Variants in PPIH observed in about 807,000 individuals in gnomAD.
The protein encoded by PPIH is peptidyl-prolyl cis-trans isomerase H.
Under a neutral mutation model 27.6 loss-of-function variants are expected in PPIH, and 16 were observed. That is an observed-to-expected ratio of 0.58 (90% CI 0.39 to 0.88). PPIH has a LOEUF of 0.88. Among genes scored for constraint, PPIH ranks in the 40% least tolerant of loss-of-function variants. The pLI is 0.00. For missense variants in PPIH, 155 were observed against 224.1 expected (o/e 0.69, Z 1.97); for synonymous variants, 63 against 76.1 (o/e 0.83, Z 0.90).
At chr1:42,680,410 T>A (rs188402528), downstream of PPIH, among the ~76,000 whole-genome samples, 87 of 152,362 alleles carry the variant, frequency 5.7e-4, no homozygotes, top group African/African-American at 1.9e-3. Flanking sequence ...TGCAGTATCC[T>A]GCAGCCAGTA....
downstream of PPIH, among the ~76,000 whole-genome samples, chr1:42,679,904 C>T (rs1649978862): frequency 6.6e-6 from 1 of 152,258 alleles, no homozygotes. Flanking sequence ...ACTGGCACAG[C>T]TGCCCAGATG....
At chr1:42,659,917 TCC>T (rs1648910772) in intron 4 of PPIH, among the ~76,000 whole-genome samples, 1 of 152,240 alleles carries the variant, frequency 6.6e-6, no homozygotes, top group South Asian at 2.1e-4. Context: ...TATATGATTG[TCC>T]AAGGATAATC....
intron 9 of PPIH, among the ~76,000 whole-genome samples, chr1:42,672,742 G>A (rs1649705632): frequency 6.6e-6 from 1 of 151,906 alleles, no homozygotes; most frequent in Non-Finnish European, 1.5e-5. Flanking sequence ...CGCCTCCCAG[G>A]TTCAAGCGAT....
intron 5 of PPIH, among the ~76,000 whole-genome samples, chr1:42,663,647 G>GC (rs1160468598): frequency 6.6e-6 from 1 of 152,056 alleles, no homozygotes; most frequent in Non-Finnish European, 1.5e-5. Flanking sequence ...TGATCCACCC[G>GC]CCTCAGCCTC....
chr1:42,662,304 G>C (rs535867471), intron 5 of PPIH, among the ~76,000 whole-genome samples: 11 of 152,322 alleles, frequency 7.2e-5, no homozygotes, highest in South Asian at 4.1e-4. Flanking sequence ...AGTACCTTGG[G>C]ATGCTGGGAG....
intron 5 of PPIH, among the ~76,000 whole-genome samples, chr1:42,661,703 AATCTC>A (rs1407268101): frequency 6.6e-6 from 1 of 152,072 alleles, no homozygotes; most frequent in African/African-American, 2.4e-5. Flanking sequence ...ATTTAGTCTG[AATCTC>A]ATGAGTTTTT....
chr1:42,663,403 C>CTTT (rs916189112), intron 5 of PPIH, among the ~76,000 whole-genome samples: 4 of 145,330 alleles, frequency 2.8e-5, no homozygotes, highest in Admixed American at 2.1e-4. Context: ...AAATTCAGAT[C>CTTT]TTTTTTTTTT....
chr1:42,661,209 T>G (rs1648997025), intron 5 of PPIH, among the ~76,000 whole-genome samples: 2 of 152,178 alleles, frequency 1.3e-5, no homozygotes, highest in Admixed American at 1.3e-4. Flanking sequence ...AGGTTCACAC[T>G]AATTAGTCAT....
chr1:42,673,960 T>C (rs576755361), intron 9 of PPIH, among the ~76,000 whole-genome samples: 6 of 152,380 alleles, frequency 3.9e-5, no homozygotes, highest in African/African-American at 1.4e-4. Context: ...ATGCGAGACA[T>C]TCCCGTAGGG....
At chr1:42,666,103 T>C in intron 7 of PPIH, 36 bp downstream of exon 7, 1 of 1,591,416 alleles carries the variant, frequency 6.3e-7, no homozygotes, top group Non-Finnish European at 8.6e-7. Flanking sequence ...CCAGGCCCCA[T>C]TCACCCTGGA....
chr1:42,680,334 C>T (rs941585908), downstream of PPIH, among the ~76,000 whole-genome samples: 7 of 152,186 alleles, frequency 4.6e-5, no homozygotes, highest in Non-Finnish European at 5.9e-5. Flanking sequence ...TCATCTGATA[C>T]ACTGAAGCAA....
Position 42,658,486 on chromosome 1 carries a change from T to C in PPIH, c.40T>C (p.Phe14Leu). 2 of 1,614,114 alleles carry C rather than the reference T, an allele frequency of 1.2e-6. No individual in the cohort carries two copies. Among genetic ancestry groups the C allele is most frequent in the Non-Finnish European group, 1.7e-6 (2 of 1,179,982 alleles). Residue 14 changes from phenylalanine (F) to leucine (L), a missense_variant, in exon 1 of 10, where the codon TTC becomes CTC. By Grantham distance (22) the Phe-to-Leu change is conservative. Around this residue, in one of 2 missense-constraint regions of PPIH, gnomAD observed 59 missense variants for 48.8 expected, o/e 1.21. Transcript: ENST00000304979. Reference protein sequence around the residue: ...ANSSPVNPVVFFDVSIGGQEV... With the variant: ...ANSSPVNPVVLFDVSIGGQEV... ...TTCAAGTCCTGTTAACCCCGTGGTG[T>C]TCTTTGATGTCAGTATTGGCGGTCA...
At chr1:42,660,703 T>C (rs370076559) in intron 4 of PPIH, among the ~76,000 whole-genome samples, 159 bp from the exon 5 acceptor site, 29 of 152,362 alleles carry the variant, frequency 1.9e-4, no homozygotes, top group African/African-American at 6.5e-4. Context: ...CTGCTGGGAT[T>C]ACAGGCGTGA....
intron 5 of PPIH, 94 bp from the exon 6 acceptor site, chr1:42,664,769 A>T: frequency 1.1e-6 from 1 of 949,682 alleles, no homozygotes; most frequent in Non-Finnish European, 1.6e-6. Context: ...AGTAGACTTT[A>T]AAGATGTCAT....
intron 9 of PPIH, among the ~76,000 whole-genome samples, chr1:42,674,968 T>C (rs1393337873): frequency 1.3e-5 from 2 of 152,234 alleles, no homozygotes. Flanking sequence ...AGAGGTTCCA[T>C]TCTCTTCAGT....
At chr1:42,665,885 A>G (rs1363736183) in intron 6 of PPIH, 95 bp from the exon 7 acceptor site, 1 of 1,004,430 alleles carries the variant, frequency 1.0e-6, no homozygotes, top group Non-Finnish European at 1.6e-6. Flanking sequence ...GAAAAAAACC[A>G]TAGAGGAATC....
downstream of PPIH, among the ~76,000 whole-genome samples, chr1:42,677,386 C>T (rs912387473): frequency 1.3e-5 from 2 of 152,066 alleles, no homozygotes; most frequent in Non-Finnish European, 2.9e-5. Context: ...GCACAAGAAT[C>T]GCTTGAACCT....
chr1:42,658,468 C>G lies in PPIH; in HGVS notation c.22C>G (p.Pro8Ala). The change falls in exon 1 of 10, where the codon CCT (proline) becomes GCT (alanine). Residue 8 changes from proline to alanine, a missense_variant. Coordinates refer to ENST00000304979, the MANE Select transcript of PPIH (RefSeq NM_006347.4). The part of the protein sequence containing the change: MAVANSS[P>A]VNPVVFFDVS... Reference sequence around the variant, plus strand: ...AGCCATGGCGGTGGCAAATTCAAGTCCTGTTAACCCCGTGGTGTTCTTTGA... The same window carrying G: ...AGCCATGGCGGTGGCAAATTCAAGTGCTGTTAACCCCGTGGTGTTCTTTGA... The G allele has an allele frequency of 6.2e-7, 1 of 1,614,138 alleles. No individual in the cohort carries two copies. Among genetic ancestry groups the G allele is most frequent in the Non-Finnish European group, 8.5e-7 (1 of 1,179,980 alleles).
downstream of PPIH, chr1:42,676,885 A>G (rs1363259789): frequency 6.6e-6 from 1 of 152,120 alleles, no homozygotes; most frequent in Non-Finnish European, 1.5e-5. Flanking sequence ...CATGGACCAG[A>G]GCCAAGCTTT....
Sources: gnomAD v4.1 joint callset for allele counts (sites outside exome capture counted in the v4.1 genomes callset) on GRCh38, gnomAD v4.1.1 for gene constraint, gnomAD v4.1.1 regional missense constraint, MANE v1.5 for transcripts, NCBI Gene and HGNC (gene_info 2026-07-23, HGNC 2026-07-21) for gene names.